SLC35E1: variants seen among roughly 807,000 people sequenced by gnomAD.
The protein encoded by SLC35E1 is solute carrier family 35 member E1, also known as solute carrier family 35, member E1.
Under a neutral mutation model 31.0 loss-of-function variants are expected in SLC35E1, and 12 were observed. The ratio of observed to expected loss-of-function variants is 0.39; its 90% CI spans 0.25 to 0.63. SLC35E1 has a LOEUF of 0.63. Among genes scored for constraint, SLC35E1 ranks in the 20% least tolerant of loss-of-function variants. The pLI is 0.52. For missense variants in SLC35E1, 429 were observed against 572.2 expected (o/e 0.75, Z 2.55); for synonymous variants, 257 against 264.1 (o/e 0.97, Z 0.26).
chr19:16,561,381 C>T (rs1296080962), intron 4 of SLC35E1, among the ~76,000 whole-genome samples: 1 of 152,124 alleles, frequency 6.6e-6, no homozygotes, highest in Non-Finnish European at 1.5e-5. Context: ...ACCTTCTGAG[C>T]TGCCTCATGT....
Position 16,553,634 on chromosome 19 carries a change from G to A in SLC35E1, c.*45C>T, listed in dbSNP as rs2085857188. ...CAGAAGTTTCTGATACTGCTGTGGG[G>A]GCCGGGGAAGGAGTCACCAACAGTC... On this transcript the variant is annotated 3_prime_UTR_variant, in exon 6 of 6. Coordinates refer to ENST00000595753, the MANE Select transcript of SLC35E1 (RefSeq NM_024881.5). 7.1e-7 allele frequency: 1 copy of A among 1,405,034 alleles called. No individual in the cohort carries two copies. The highest frequency in any genetic ancestry group is 9.4e-7 in the Non-Finnish European group (1 of 1,058,352). The allele number at this position is 1,405,034 out of a possible 1,614,324, so 87.0% of individuals were successfully genotyped here.
At chr19:16,569,869 G>A (rs956423324) in intron 2 of SLC35E1, among the ~76,000 whole-genome samples, 5 of 152,202 alleles carry the variant, frequency 3.3e-5, no homozygotes, top group African/African-American at 1.2e-4. Context: ...CTTAAGGAGA[G>A]ATAGGAGAGG....
chr19:16,552,770 C>T lies in SLC35E1; in HGVS notation c.*909G>A. 6.6e-6 allele frequency: 1 copy of T among 152,148 alleles called. No homozygotes were observed. The highest frequency in any genetic ancestry group is 2.1e-4 in the South Asian group (1 of 4,836). 9.4% of individuals were successfully genotyped at this position (152,148 alleles called of 1,614,324 possible). A position where few individuals can be genotyped will look rare whatever the true frequency, so the allele number is the denominator to read the frequency against. On this transcript the variant is annotated 3_prime_UTR_variant, in exon 6 of 6. Coordinates refer to ENST00000595753, the MANE Select transcript of SLC35E1 (RefSeq NM_024881.5). ...ATATTCCCTAGAAAAATGCAAGATC[C>T]TCCGAAAATCAAGATCTCTCTACCA...
chr19:16,566,651 G>T lies in SLC35E1; in HGVS notation c.637C>A (p.Arg213=). ...CGGAGATGGTGGATCCGTGAATCTC[G>T]CAAGACCTGGAAAGGGAAAGCCTCT... The part of the protein sequence containing the change: ...LQNIFSKKVL[R]DSRIHHLRLL... Residue 213 remains arginine (R), a synonymous_variant, in exon 4 of 6, where the codon CGA becomes AGA. Transcript: ENST00000595753. 1.9e-6 allele frequency: 3 copies of T among 1,611,658 alleles called. No homozygotes were observed. Among genetic ancestry groups the T allele is most frequent in the South Asian group, 2.2e-5 (2 of 90,900 alleles).
chr19:16,571,260 C>G (rs1381474563), intron 2 of SLC35E1, among the ~76,000 whole-genome samples: 1 of 152,158 alleles, frequency 6.6e-6, no homozygotes, highest in Admixed American at 6.5e-5. Context: ...AAAATTGGAT[C>G]TGAAAGGGAC....
At chr19:16,559,031 G>A (rs2085890996) in intron 4 of SLC35E1, among the ~76,000 whole-genome samples, 1 of 151,662 alleles carries the variant, frequency 6.6e-6, no homozygotes, top group African/African-American at 2.4e-5. Context: ...GCCTCCCAAA[G>A]TTCTGGGATT....
In SLC35E1 at chr19:16,555,543, A is replaced by G; in HGVS notation, c.757-146T>C. The G allele has an allele frequency of 9.4e-7, 1 of 1,058,670 alleles. No individual in the cohort carries two copies. The allele number at this position is 1,058,670 out of a possible 1,614,324, so 65.6% of individuals were successfully genotyped here. On this transcript the variant is annotated intron_variant, in intron 4 of 5. Transcript: ENST00000595753. This position sits in a 1 kb window ranked among gnomAD's most constrained non-coding sequence, Gnocchi z 4.1. ...CACAGGCAGCCAGTCCAGATGTGTCACCAAGAGACACTAGGTGCTTTAGGT... is the reference window on the plus strand; with the variant it reads ...CACAGGCAGCCAGTCCAGATGTGTCGCCAAGAGACACTAGGTGCTTTAGGT...
intron 4 of SLC35E1, 102 bp downstream of exon 4, chr19:16,566,430 A>G: frequency 2.0e-6 from 3 of 1,533,112 alleles, no homozygotes; most frequent in Admixed American, 1.9e-5. Context: ...TCAGGTGCCC[A>G]AAAGATACCA....
Position 16,552,979 on chromosome 19 carries a change from G to C in SLC35E1, c.*700C>G, listed in dbSNP as rs1325788558. 6.6e-6 allele frequency: 1 copy of C among 152,262 alleles called. No homozygotes were observed. Among genetic ancestry groups the C allele is most frequent in the Non-Finnish European group, 1.5e-5 (1 of 68,056 alleles). 9.4% of individuals were successfully genotyped at this position (152,262 alleles called of 1,614,324 possible). On this transcript the variant is annotated 3_prime_UTR_variant, in exon 6 of 6. Coordinates refer to ENST00000595753, the MANE Select transcript of SLC35E1 (RefSeq NM_024881.5). ...GAAGAGAGAAGTTTCCCTTCCATCT[G>C]GATCTGGGTGGATGCCAACCCTGAC...
intron 4 of SLC35E1, among the ~76,000 whole-genome samples, chr19:16,562,728 G>A (rs1387327563): frequency 4.6e-5 from 7 of 152,308 alleles, no homozygotes; most frequent in Admixed American, 4.6e-4. Flanking sequence ...TTATTTTTGA[G>A]ATAGGGTCTT....
intron 4 of SLC35E1, among the ~76,000 whole-genome samples, chr19:16,563,882 A>G (rs1043078434): frequency 6.6e-6 from 1 of 152,246 alleles, no homozygotes; most frequent in Admixed American, 6.5e-5. Flanking sequence ...GTAGAATAAC[A>G]TCAGTGAATA....
Position 16,571,951 on chromosome 19 carries a change from T to G in SLC35E1, c.414A>C (p.Ala138=), listed in dbSNP as rs2085961439. The change falls in exon 1 of 6, where the codon GCA becomes GCC. Residue 138 remains alanine, a synonymous_variant. Transcript: ENST00000595753. ...GCCGGGCGCGGAACCTACCGGTGTGTGCATAGGACACGGGCACCTTCCAGA... is the reference window on the plus strand; with the variant it reads ...GCCGGGCGCGGAACCTACCGGTGTGGGCATAGGACACGGGCACCTTCCAGA... The part of the protein sequence containing the change: ...VSIWKVPVSY[A]HTVKATMPIW... The G allele has an allele frequency of 6.5e-6, 10 of 1,547,284 alleles. No homozygotes were observed. In the East Asian group the frequency reaches 2.5e-4, roughly 38 times the overall value.
rs376995220 is a variant in SLC35E1, at chr19:16,555,303, T to C, written c.851A>G (p.Asn284Ser). 6 of 1,613,856 alleles carry C rather than the reference T, an allele frequency of 3.7e-6. No homozygotes were observed. The highest frequency in any genetic ancestry group is 2.2e-5 in the South Asian group (2 of 91,064). ...CGAGTAGCTCAGGGGGCTAACGAGG[T>C]TGAGGATGCTGAAGGCGATAACATT... The part of the protein sequence containing the change: ...AQNVIAFSIL[N>S]LVSPLSYSVA... The change falls in exon 5 of 6, where the codon AAC becomes AGC. Residue 284 changes from asparagine (N) to serine (S), a missense_variant. By Grantham distance (46) the Asn-to-Ser change is conservative. Coordinates refer to ENST00000595753, the MANE Select transcript of SLC35E1 (RefSeq NM_024881.5). This position sits in a 1 kb window ranked among gnomAD's most constrained non-coding sequence, Gnocchi z 4.1.
Position 16,559,975 on chromosome 19 carries a change from G to A in SLC35E1, c.757-4578C>T, listed in dbSNP as rs547472861. ...TTTTAGCAGGCAATTGATGATGCTG[G>A]GTTCAGGCTGCAGGCTTGACCAGCC... On this transcript the variant is annotated intron_variant, in intron 4 of 5. Transcript: ENST00000595753. Among the ~76,000 whole-genome samples, 22 of 152,264 alleles carry A rather than the reference G, an allele frequency of 1.4e-4. No individual in the cohort carries two copies. The South Asian group carries it at 4.6e-3, about 32-fold the overall frequency.
At chr19:16,571,386 A>T in intron 2 of SLC35E1, 126 bp downstream of exon 2, 1 of 945,516 alleles carries the variant, frequency 1.1e-6, no homozygotes, top group Non-Finnish European at 1.7e-6. Context: ...AGACCTCTAC[A>T]CTGACTTCCC....
At chr19:16,560,205 G>C (rs1311696730) in intron 4 of SLC35E1, among the ~76,000 whole-genome samples, 1 of 152,110 alleles carries the variant, frequency 6.6e-6, no homozygotes, top group African/African-American at 2.4e-5. Context: ...GGATTCCATG[G>C]GCGACTTTAT....
rs2085844399 is a variant in SLC35E1, at chr19:16,551,361, G to A, written c.*2318C>T. ...TGGGGGGCCAGTCACCTCTTCAGGA[G>A]TGTCCCATGTGTCAGCTGACATAAC... is the stretch of plus-strand genomic sequence containing the variant. On this transcript the variant is annotated 3_prime_UTR_variant, in exon 6 of 6. Transcript: ENST00000595753. The A allele has an allele frequency of 6.6e-6, 1 of 152,214 alleles. No individual in the cohort carries two copies. Among genetic ancestry groups the A allele is most frequent in the South Asian group, 2.1e-4 (1 of 4,836 alleles). 9.4% of individuals were successfully genotyped at this position (152,214 alleles called of 1,614,324 possible). A position where few individuals can be genotyped will look rare whatever the true frequency, so the allele number is the denominator to read the frequency against.
intron 4 of SLC35E1, among the ~76,000 whole-genome samples, chr19:16,562,303 G>A (rs922686788): frequency 1.3e-4 from 20 of 152,120 alleles, no homozygotes; most frequent in African/African-American, 2.7e-4. Flanking sequence ...TTACACAGCC[G>A]TACAAGAAAT....
At position 16,555,560 on chromosome 19, in the gene SLC35E1, G is replaced by T; in HGVS notation, c.757-163C>A. 1 of 898,152 alleles carries T rather than the reference G, an allele frequency of 1.1e-6. No individual in the cohort carries two copies. Among genetic ancestry groups the T allele is most frequent in the Non-Finnish European group, 1.6e-6 (1 of 608,760 alleles). 55.6% of individuals were successfully genotyped at this position (898,152 alleles called of 1,614,324 possible). A position where few individuals can be genotyped will look rare whatever the true frequency, so the allele number is the denominator to read the frequency against. On this transcript the variant is annotated intron_variant, in intron 4 of 5. Coordinates refer to ENST00000595753, the MANE Select transcript of SLC35E1 (RefSeq NM_024881.5). This position sits in a 1 kb window ranked among gnomAD's most constrained non-coding sequence, Gnocchi z 4.1. Reference sequence around the variant, plus strand: ...GATGTGTCACCAAGAGACACTAGGTGCTTTAGGTCCATGACCTCAGAACCT... The same window carrying T: ...GATGTGTCACCAAGAGACACTAGGTTCTTTAGGTCCATGACCTCAGAACCT...
Sources: gnomAD v4.1 joint callset for allele counts (sites outside exome capture counted in the v4.1 genomes callset) on GRCh38, gnomAD v4.1.1 for gene constraint, Gnocchi (gnomAD v3.1) non-coding constraint, MANE v1.5 for transcripts, NCBI Gene and HGNC (gene_info 2026-07-23, HGNC 2026-07-21) for gene names.